The following ARHGAP44 variants were observed in gnomAD, a reference collection of about 807,000 sequenced individuals.
The protein encoded by ARHGAP44 is rho GTPase-activating protein 44.
Under a neutral mutation model 106.8 loss-of-function variants are expected in ARHGAP44, and 43 were observed. That is an observed-to-expected ratio of 0.40 (90% CI 0.32 to 0.52). ARHGAP44 has a LOEUF of 0.52. Ranked by LOEUF, ARHGAP44 falls within the 20% of genes least tolerant of loss-of-function variation. The pLI, the probability that ARHGAP44 is intolerant of heterozygous loss-of-function variation, is 0.48. For synonymous variants in ARHGAP44, 439 were observed against 410.3 expected, an observed-to-expected ratio of 1.07 and a Z score of -0.85; for missense variants, 866 against 1,050.5, an observed-to-expected ratio of 0.82 and a Z score of 2.43.
At chr17:12,892,616 AT>A in intron 1 of ARHGAP44, among the ~76,000 whole-genome samples, 1 of 152,152 alleles carries the variant, frequency 6.6e-6, no homozygotes, top group Non-Finnish European at 1.5e-5. Flanking sequence ...CTCTGATGAC[AT>A]AAAATATTTG....
intron 1 of ARHGAP44, among the ~76,000 whole-genome samples, chr17:12,808,880 CT>C (rs1477192589): frequency 6.6e-6 from 1 of 152,210 alleles, no homozygotes; most frequent in African/African-American, 2.4e-5. Flanking sequence ...CTCTGCTTCT[CT>C]TTTAAACGTA....
Position 12,937,643 on chromosome 17 carries a change from C to G in ARHGAP44, c.583-3413C>G, listed in dbSNP as rs111805014. Among the ~76,000 whole-genome samples, 1,220 of 152,276 alleles carry G rather than the reference C, an allele frequency of 8.0e-3. 5 individuals carry two copies. Among genetic ancestry groups the G allele is most frequent in the Non-Finnish European group, 0.012 (838 of 68,024 alleles). On this transcript the variant is annotated intron_variant, in intron 7 of 20. Coordinates refer to ENST00000379672, the MANE Select transcript of ARHGAP44 (RefSeq NM_014859.6). ...AAGAGTTGTTGAGTTTCAGTTTGTT[C>G]AGCTTTTTACCTGTTAGTACTGACT...
intron 1 of ARHGAP44, among the ~76,000 whole-genome samples, chr17:12,799,510 G>T (rs553537159): frequency 6.6e-6 from 1 of 152,240 alleles, no homozygotes; most frequent in African/African-American, 2.4e-5. Context: ...CCTGGGCCTG[G>T]AATTCACAAA....
In ARHGAP44 at chr17:12,984,573, G is replaced by A; in HGVS notation, c.1982G>A (p.Gly661Asp). Residue 661 changes from glycine to aspartate, a missense_variant, in exon 20 of 21, where the codon GGC (glycine) becomes GAC (aspartate). Gly to Asp is a moderately conservative substitution (Grantham distance 94). Transcript: ENST00000379672. ...CCGATTCCACCCAAGGTCCCCTTTG[G>A]CCAGCCGGGGGCTATGGCAGACCAG... is the stretch of plus-strand genomic sequence containing the variant. The part of the protein sequence containing the change: ...LAPIPPKVPF[G>D]QPGAMADQSA... The A allele has an allele frequency of 1.3e-6, 2 of 1,556,902 alleles. No homozygotes were observed. The highest frequency in any genetic ancestry group is 1.7e-6 in the Non-Finnish European group (2 of 1,152,580).
At chr17:12,954,145 G>A (rs1179645450) in intron 13 of ARHGAP44, among the ~76,000 whole-genome samples, 2 of 151,112 alleles carry the variant, frequency 1.3e-5, no homozygotes, top group Non-Finnish European at 2.9e-5. Context: ...TGATCCGCCC[G>A]CCTCGGCCTC....
intron 18 of ARHGAP44, among the ~76,000 whole-genome samples, chr17:12,978,036 C>CAAAAAAAAAAAAAAAAAAAAAAAAAAAAA (rs1157325814): frequency 1.1e-5 from 1 of 89,298 alleles, no homozygotes; most frequent in African/African-American, 4.8e-5. Flanking sequence ...GACTCCATCT[C>CAAAAAAAAAAAAAAAAAAAAAAAAAAAAA]AAAAAAAAAA....
At chr17:12,861,004 G>A (rs539983125) in intron 1 of ARHGAP44, among the ~76,000 whole-genome samples, 4 of 151,918 alleles carry the variant, frequency 2.6e-5, no homozygotes, top group African/African-American at 7.2e-5. Flanking sequence ...CTACAGGTAC[G>A]CACCACCATG....
intron 4 of ARHGAP44, among the ~76,000 whole-genome samples, chr17:12,913,770 C>T (rs1181387790): frequency 6.6e-6 from 1 of 151,608 alleles, no homozygotes; most frequent in Non-Finnish European, 1.5e-5. Flanking sequence ...GAGTTCAAGA[C>T]TAGCCTGGCC....
chr17:12,897,985 C>G (rs570575144), intron 3 of ARHGAP44, among the ~76,000 whole-genome samples: 8 of 151,888 alleles, frequency 5.3e-5, no homozygotes, highest in Non-Finnish European at 8.8e-5. Flanking sequence ...GTATAGGGCA[C>G]TGATAGAAGA....
chr17:12,894,308 GGA>G (rs57153916), intron 1 of ARHGAP44, among the ~76,000 whole-genome samples: 10 of 147,984 alleles, frequency 6.8e-5, no homozygotes, highest in Admixed American at 2.7e-4. Flanking sequence ...AAAGAGAGGG[GGA>G]GAGAGAGAGA....
chr17:12,896,870 G>T (rs2037221827), intron 3 of ARHGAP44, among the ~76,000 whole-genome samples: 1 of 152,160 alleles, frequency 6.6e-6, no homozygotes, highest in African/African-American at 2.4e-5. Context: ...TTCATAGATT[G>T]CATTTGCCTC....
At chr17:12,914,669 T>G (rs1184590396) in intron 4 of ARHGAP44, among the ~76,000 whole-genome samples, 1 of 151,654 alleles carries the variant, frequency 6.6e-6, no homozygotes, top group Non-Finnish European at 1.5e-5. Context: ...GGTGGCAGCC[T>G]CCTGTAATCC....
chr17:12,958,950 G>C lies in ARHGAP44; in HGVS notation c.1523+53G>C, dbSNP rs762847273. On this transcript the variant is annotated intron_variant, in intron 16 of 20. Transcript: ENST00000379672. This position sits in a 1 kb window ranked among gnomAD's most constrained non-coding sequence, Gnocchi z 4.1. ...CTGGGGATTAGGGGAGGTGGTGGGG[G>C]TGGATGGGTGACGCATAAGAAAAAT... 3 of 1,553,400 alleles carry C rather than the reference G, an allele frequency of 1.9e-6. No individual in the cohort carries two copies. In the African/African-American group the frequency reaches 4.1e-5, roughly 21 times the overall value.
intron 1 of ARHGAP44, among the ~76,000 whole-genome samples, chr17:12,796,602 G>T (rs1019393212): frequency 6.3e-4 from 90 of 143,206 alleles, no homozygotes; most frequent in African/African-American, 2.2e-3. Flanking sequence ...ACTTTTCTTT[G>T]TTTTTTTTTT....
At chr17:12,966,155 C>CAAAAA (rs34324286) in intron 16 of ARHGAP44, among the ~76,000 whole-genome samples, 26 of 116,728 alleles carry the variant, frequency 2.2e-4, no homozygotes, top group African/African-American at 7.6e-4. Context: ...CACGCTGTCT[C>CAAAAA]AAAAAAAAAA....
At position 12,903,126 on chromosome 17, in the gene ARHGAP44, G is replaced by GAGGAGAGA. The variant is rs57334058; in HGVS notation, c.199-5771_199-5770insAGGAGAGA. ...AGAGAGAGAGAGAGAGAGAGAGAGA[G>GAGGAGAGA]GAGAGAGAGAGAGAGTGTGTGTGTG... On this transcript the variant is annotated intron_variant, in intron 3 of 20. Coordinates refer to ENST00000379672, the MANE Select transcript of ARHGAP44 (RefSeq NM_014859.6). 2.3e-3 allele frequency among the ~76,000 whole-genome samples: 165 copies of GAGGAGAGA among 70,426 alleles called. 1 individual carries two copies. Among genetic ancestry groups the GAGGAGAGA allele is most frequent in the African/African-American group, 3.1e-3 (48 of 15,466 alleles). The allele number at this position is 70,426 out of a possible 152,430, so 46.2% of individuals were successfully genotyped here.
At chr17:12,805,391 GCT>G in intron 1 of ARHGAP44, among the ~76,000 whole-genome samples, 1 of 152,134 alleles carries the variant, frequency 6.6e-6, no homozygotes, top group Non-Finnish European at 1.5e-5. Context: ...CACTGTATGT[GCT>G]CCTCTAAAAA....
intron 1 of ARHGAP44, among the ~76,000 whole-genome samples, chr17:12,890,453 A>G (rs2037009694): frequency 6.6e-6 from 1 of 152,146 alleles, no homozygotes; most frequent in Non-Finnish European, 1.5e-5. Context: ...TACTTGAGTA[A>G]TGGCTGGGGC....
chr17:12,987,842 A>G (rs2039998303), intron 20 of ARHGAP44: 1 of 152,188 alleles, frequency 6.6e-6, no homozygotes, highest in African/African-American at 2.4e-5. Flanking sequence ...GAGCATTTAT[A>G]TCAGTATCTA....
Sources: allele counts gnomAD v4.1 joint callset (sites outside exome capture counted in the v4.1 genomes callset), GRCh38; gene constraint gnomAD v4.1.1; non-coding constraint Gnocchi (gnomAD v3.1); transcripts MANE v1.5; gene names NCBI Gene and HGNC (gene_info 2026-07-23, HGNC 2026-07-21).